Variants in ACSBG1 observed in about 807,000 individuals in gnomAD.
ACSBG1 encodes the protein long-chain-fatty-acid--CoA ligase ACSBG1.
In ACSBG1, 39 loss-of-function variants were observed where a neutral mutation model predicts 80.2. The ratio of observed to expected loss-of-function variants is 0.49; its 90% CI spans 0.38 to 0.64. The LOEUF is 0.64. Ranked by LOEUF, ACSBG1 falls within the 30% of genes least tolerant of loss-of-function variation. The probability of loss-of-function intolerance (pLI) is 0.00; values close to 1 mark genes in which losing one functional copy is unlikely to be tolerated. For missense variants in ACSBG1, 828 were observed against 966.4 expected, an observed-to-expected ratio of 0.86 and a Z score of 1.90; for synonymous variants, 392 against 379.5, an observed-to-expected ratio of 1.03 and a Z score of -0.38.
At chr15:78,194,053 C>G in intron 3 of ACSBG1, 33 bp from the exon 4 acceptor site, 1 of 1,609,400 alleles carries the variant, frequency 6.2e-7, no homozygotes, top group Non-Finnish European at 8.5e-7. Context: ...CCAGGTCAGC[C>G]GGGCAGGGAC....
intron 1 of ACSBG1, among the ~76,000 whole-genome samples, chr15:78,222,472 G>A (rs1361307893): frequency 2.0e-5 from 3 of 152,104 alleles, no homozygotes; most frequent in Non-Finnish European, 4.4e-5. Context: ...AAGACCAGCT[G>A]GGCAACATGG....
At chr15:78,175,452 G>T (rs1212285543) in intron 11 of ACSBG1, among the ~76,000 whole-genome samples, 1 of 152,230 alleles carries the variant, frequency 6.6e-6, no homozygotes, top group Non-Finnish European at 1.5e-5. Context: ...GTGAGACAGA[G>T]GGAGGCACAG....
intron 7 of ACSBG1, 24 bp downstream of exon 7, chr15:78,182,442 C>T (rs372867467): frequency 1.2e-6 from 2 of 1,609,286 alleles, no homozygotes; most frequent in Admixed American, 1.7e-5. Flanking sequence ...GCACCCCCCC[C>T]ACCCCACCGG....
Position 78,193,500 on chromosome 15 carries a change from C to G in ACSBG1, c.663+6G>C, listed in dbSNP as rs1490440951. The G allele has an allele frequency of 6.2e-7, 1 of 1,606,562 alleles. No homozygotes were observed. Among genetic ancestry groups the G allele is most frequent in the Non-Finnish European group, 8.5e-7 (1 of 1,175,848 alleles). ...TGACCCCATGCCCACTGCCTCTTCC[C>G]CAAACCTTCAGGATCTTTTCCAGCT... On this transcript the variant is annotated splice_donor_region_variant and intron_variant, in intron 5 of 13. Coordinates refer to ENST00000258873, the MANE Select transcript of ACSBG1 (RefSeq NM_015162.5).
intron 8 of ACSBG1, 122 bp from the exon 9 acceptor site, chr15:78,181,058 G>T (rs2074938495): frequency 9.0e-7 from 1 of 1,107,522 alleles, no homozygotes; most frequent in Non-Finnish European, 1.2e-6. Context: ...ACACACACCT[G>T]CACGCAAGGG....
chr15:78,184,163 T>G (rs1032932663), intron 5 of ACSBG1, among the ~76,000 whole-genome samples: 5 of 152,140 alleles, frequency 3.3e-5, no homozygotes, highest in Non-Finnish European at 7.3e-5. Context: ...TGCAATAGTC[T>G]TATTGGTTTC....
chr15:78,234,359 C>G lies in ACSBG1; in HGVS notation c.131+12G>C. The stretch of plus-strand genomic sequence containing the variant: ...ACAGGTGCAGTGTGCAGAAACCCAA[C>G]CAATGACTTACCTGGTTTTCAATTT... On this transcript the variant is annotated intron_variant, in intron 1 of 13. Coordinates refer to ENST00000258873, the MANE Select transcript of ACSBG1 (RefSeq NM_015162.5). 2 of 1,608,410 alleles carry G rather than the reference C, an allele frequency of 1.2e-6. No homozygotes were observed. The highest frequency in any genetic ancestry group is 2.2e-5 in the South Asian group (2 of 91,056).
chr15:78,183,996 G>GA (rs930108564), intron 5 of ACSBG1, among the ~76,000 whole-genome samples: 8 of 150,180 alleles, frequency 5.3e-5, no homozygotes, highest in African/African-American at 1.2e-4. Context: ...GGAACCAGAA[G>GA]AAAAAAAAAG....
At chr15:78,233,702 GC>G (rs1212029115) in intron 1 of ACSBG1, among the ~76,000 whole-genome samples, 1 of 152,202 alleles carries the variant, frequency 6.6e-6, no homozygotes. Context: ...GTGTGCGTGT[GC>G]GCGTGCGCCT....
chr15:78,180,353 G>C (rs1009549615), intron 9 of ACSBG1, among the ~76,000 whole-genome samples: 3 of 152,192 alleles, frequency 2.0e-5, no homozygotes, highest in Admixed American at 6.5e-5. Context: ...GAAAGCTATA[G>C]AAAGATAGAA....
rs989181768 is a variant in ACSBG1 at position 78,167,834 on chromosome 15, T to G, written c.*3610A>C. ...TTGGTCCCTTCTTTTAAAAAAATTC[T>G]GTAATTTGAAATTATATCGTGTGGC... On this transcript the variant is annotated 3_prime_UTR_variant, in exon 14 of 14. Transcript: ENST00000258873. The G allele has an allele frequency of 1.3e-5, 2 of 152,252 alleles. No individual in the cohort carries two copies. The highest frequency in any genetic ancestry group is 1.3e-4 in the Admixed American group (2 of 15,290). 9.4% of individuals were successfully genotyped at this position (152,252 alleles called of 1,614,324 possible). A position where few individuals can be genotyped will look rare whatever the true frequency, so the allele number is the denominator to read the frequency against.
chr15:78,179,850 C>A (rs2074924231), intron 9 of ACSBG1, 70 bp from the exon 10 acceptor site: 1 of 1,174,672 alleles, frequency 8.5e-7, no homozygotes, highest in Non-Finnish European at 1.2e-6. Flanking sequence ...CACATACACA[C>A]ATTAAAAGGG....
At chr15:78,223,491 T>C (rs1426074140) in intron 1 of ACSBG1, among the ~76,000 whole-genome samples, 3 of 152,284 alleles carry the variant, frequency 2.0e-5, no homozygotes, top group Middle Eastern at 3.4e-3. Context: ...TTCCAAATCC[T>C]AGCTTAATGA....
rs915724212 is a variant in ACSBG1, at chr15:78,193,952, T to C, written c.522A>G (p.Ala174=). Reference sequence around the variant, plus strand: ...CTCACCCTGCAAATACTGTGCCCACTGCCGAGAAGAACCACTCCGGGGAGT... The same window carrying C: ...CTCACCCTGCAAATACTGTGCCCACCGCCGAGAAGAACCACTCCGGGGAGT... The part of the protein sequence containing the change: ...GFNSPEWFFS[A]VGTVFAGGIV... The change falls in exon 4 of 14, where the codon GCA becomes GCG. Residue 174 remains alanine (A), a synonymous_variant. Coordinates refer to ENST00000258873, the MANE Select transcript of ACSBG1 (RefSeq NM_015162.5). The C allele has an allele frequency of 1.9e-6, 3 of 1,613,468 alleles. No individual in the cohort carries two copies. Among genetic ancestry groups the C allele is most frequent in the Non-Finnish European group, 2.5e-6 (3 of 1,179,892 alleles).
chr15:78,198,014 T>C (rs1432178824), intron 2 of ACSBG1, among the ~76,000 whole-genome samples: 2 of 152,184 alleles, frequency 1.3e-5, no homozygotes, highest in African/African-American at 4.8e-5. Flanking sequence ...CGTTTTAACT[T>C]GAGCATTTAT....
Position 78,173,729 on chromosome 15 carries a change from C to G in ACSBG1, c.1953G>C (p.Glu651Asp), listed in dbSNP as rs572055354. 2 of 1,614,246 alleles carry G rather than the reference C, an allele frequency of 1.2e-6. No individual in the cohort carries two copies. Among genetic ancestry groups the G allele is most frequent in the Non-Finnish European group, 1.7e-6 (2 of 1,180,050 alleles). The change falls in exon 13 of 14, where the codon GAG becomes GAC. Residue 651 changes from glutamate (E) to aspartate (D), a missense_variant. Glu to Asp is a conservative substitution (Grantham distance 45). Transcript: ENST00000258873. ...SRATTVSEII[E>D]KKDEAVYQAI... ...CCTGGTACACGGCCTCATCCTTCTT[C>G]TCTATGATCTCGGACACTGTGGTGG...
At chr15:78,182,901 G>T in intron 5 of ACSBG1, 116 bp from the exon 6 acceptor site, 1 of 1,058,522 alleles carries the variant, frequency 9.4e-7, no homozygotes, top group Non-Finnish European at 1.4e-6. Flanking sequence ...CCCCGTCTCT[G>T]ACCTTCGACC....
chr15:78,206,921 C>A (rs2075221160), intron 2 of ACSBG1, among the ~76,000 whole-genome samples: 1 of 152,160 alleles, frequency 6.6e-6, no homozygotes, highest in South Asian at 2.1e-4. Flanking sequence ...ATGCCTGTGC[C>A]ATCACTCATA....
intron 1 of ACSBG1, among the ~76,000 whole-genome samples, chr15:78,226,986 G>A (rs144994866): frequency 0.17 from 26,233 of 150,516 alleles, 2,781 homozygotes; most frequent in Non-Finnish European, 0.24. Flanking sequence ...CTGGGAGGCC[G>A]AGGAGGGCAG....
Sources: allele counts gnomAD v4.1 joint callset (sites outside exome capture counted in the v4.1 genomes callset), GRCh38; gene constraint gnomAD v4.1.1; transcripts MANE v1.5; gene names NCBI Gene and HGNC (gene_info 2026-07-23, HGNC 2026-07-21).